Variants in MSH3 observed in about 807,000 individuals in gnomAD.
The protein encoded by MSH3 is mutS homolog 3, also known as DNA mismatch repair protein Msh3.
In MSH3, 106 loss-of-function variants were observed where a neutral mutation model predicts 123.3. The observed-to-expected ratio is 0.86, with a 90% CI of 0.73 to 1.01. The LOEUF is 1.01. Ranked by LOEUF, MSH3 falls within the 50% of genes least tolerant of loss-of-function variation. The probability of loss-of-function intolerance (pLI) is 0.00; values close to 1 mark genes in which losing one functional copy is unlikely to be tolerated. For missense variants in MSH3, 1,459 were observed against 1,347.6 expected (o/e 1.08, Z -1.29); for synonymous variants, 515 against 481.4 (o/e 1.07, Z -0.91).
rs2112814228 is a variant in MSH3, at chr5:80,672,735, T to A, written c.910-6T>A. The A allele has an allele frequency of 1.2e-6, 2 of 1,606,660 alleles. No individual in the cohort carries two copies. The highest frequency in any genetic ancestry group is 1.7e-5 in the Admixed American group (1 of 60,000). On this transcript the variant is annotated splice_polypyrimidine_tract_variant and splice_region_variant and intron_variant, in intron 5 of 23. Coordinates refer to ENST00000265081, the MANE Select transcript of MSH3 (RefSeq NM_002439.5). The stretch of plus-strand genomic sequence containing the variant: ...TTGATAGCAATATTTCTTATTTTTG[T>A]TGAAGGTGGGAGTTGTGAAGCAAAC...
At chr5:80,715,529 G>A (rs1395162991) in intron 8 of MSH3, 1 of 152,238 alleles carries the variant, frequency 6.6e-6, no homozygotes, top group Non-Finnish European at 1.5e-5. Flanking sequence ...TTTTGTTAGA[G>A]AATTTTAGAT....
chr5:80,696,302 T>G (rs1750479261), intron 8 of MSH3, among the ~76,000 whole-genome samples: 3 of 152,202 alleles, frequency 2.0e-5, no homozygotes, highest in Admixed American at 2.0e-4. Context: ...CAATCCCAAC[T>G]GGAGTTTGGA....
rs976796251 is a variant in MSH3 at position 80,795,811 on chromosome 5, G to A, written c.2655+2967G>A. Among the ~76,000 whole-genome samples, 51 of 152,026 alleles carry A rather than the reference G, an allele frequency of 3.4e-4. No homozygotes were observed. In the Middle Eastern group the frequency reaches 0.01, roughly 30 times the overall value. ...GAGGATTAGTTGAAGTCAGGAGGTC[G>A]AGACCAACCTGGCCAACATGGCAAA... On this transcript the variant is annotated intron_variant, in intron 19 of 23. Transcript: ENST00000265081.
chr5:80,725,649 G>T, intron 9 of MSH3, 84 bp downstream of exon 9: 1 of 898,226 alleles, frequency 1.1e-6, no homozygotes, highest in Non-Finnish European at 1.9e-6. Flanking sequence ...ATTTAATGAT[G>T]ACTAGGTAGT....
chr5:80,815,413 A>C (rs931169630), intron 20 of MSH3, among the ~76,000 whole-genome samples: 1 of 152,150 alleles, frequency 6.6e-6, no homozygotes, highest in African/African-American at 2.4e-5. Flanking sequence ...ATTGGTCAAT[A>C]TAAGGGGATT....
At chr5:80,752,732 C>CA (rs1485505668) in intron 12 of MSH3, among the ~76,000 whole-genome samples, 1 of 151,778 alleles carries the variant, frequency 6.6e-6, no homozygotes. Flanking sequence ...TTTAGAATAC[C>CA]AAAAAATTGG....
chr5:80,762,800 G>T (rs982456096), intron 13 of MSH3, among the ~76,000 whole-genome samples: 4 of 140,912 alleles, frequency 2.8e-5, no homozygotes, highest in African/African-American at 1.1e-4. Context: ...TTTATGTTAT[G>T]TTATGTTATG....
intron 8 of MSH3, among the ~76,000 whole-genome samples, chr5:80,699,659 T>C (rs956035707): frequency 7.9e-5 from 12 of 152,178 alleles, no homozygotes; most frequent in African/African-American, 2.7e-4. Context: ...AGATTTACAT[T>C]ATACAGATGT....
At chr5:80,655,115 C>T (rs993930743) in intron 1 of MSH3, 151 bp downstream of exon 1, 2 of 526,598 alleles carry the variant, frequency 3.8e-6, no homozygotes, top group Admixed American at 3.8e-5. Flanking sequence ...AGAGCCCAGC[C>T]GGGGCTACAA....
chr5:80,682,622 A>G (rs909975018), intron 8 of MSH3, among the ~76,000 whole-genome samples: 8 of 152,192 alleles, frequency 5.3e-5, no homozygotes, highest in Non-Finnish European at 2.9e-5. Flanking sequence ...GTATATATTT[A>G]TGGGTTACAT....
intron 19 of MSH3, among the ~76,000 whole-genome samples, chr5:80,797,128 C>T (rs1256018777): frequency 6.6e-6 from 1 of 151,950 alleles, no homozygotes. Context: ...CAAGTCTTGC[C>T]TTGGATGTCA....
intron 12 of MSH3, among the ~76,000 whole-genome samples, chr5:80,760,358 A>C (rs975966054): frequency 1.3e-5 from 2 of 152,216 alleles, no homozygotes; most frequent in Non-Finnish European, 2.9e-5. Context: ...CATGGACCAC[A>C]TCTCATTGAT....
At chr5:80,683,914 G>A (rs897546678) in intron 8 of MSH3, among the ~76,000 whole-genome samples, 4 of 152,152 alleles carry the variant, frequency 2.6e-5, no homozygotes, top group South Asian at 2.1e-4. Context: ...TGGATGTCCA[G>A]TTTTCCCAGC....
At chr5:80,711,287 C>T (rs1211748557) in intron 8 of MSH3, among the ~76,000 whole-genome samples, 3 of 152,186 alleles carry the variant, frequency 2.0e-5, no homozygotes, top group African/African-American at 4.8e-5. Flanking sequence ...CTCTCCTTTG[C>T]GGATAGGTCC....
chr5:80,832,742 A>G lies in MSH3; in HGVS notation c.2813+19001A>G, dbSNP rs180875902. ...TAAATTTTATTATTTTTATATATAT[A>G]TATCATAATTTTTAAAAGCACTTGA... On this transcript the variant is annotated intron_variant, in intron 20 of 23. Transcript: ENST00000265081. Among the ~76,000 whole-genome samples, 79 of 151,978 alleles carry G rather than the reference A, an allele frequency of 5.2e-4. 3 individuals are homozygous for G. Among genetic ancestry groups the G allele is most frequent in the African/African-American group, 1.8e-3 (73 of 41,506 alleles).
chr5:80,809,583 A>T (rs905382402), intron 19 of MSH3, among the ~76,000 whole-genome samples: 4 of 152,112 alleles, frequency 2.6e-5, no homozygotes, highest in Non-Finnish European at 1.5e-5. Context: ...TGCTTGTTGA[A>T]TTTGGTAATC....
At chr5:80,870,478 A>G (rs867545871) in intron 22 of MSH3, among the ~76,000 whole-genome samples, 6 of 152,120 alleles carry the variant, frequency 3.9e-5, no homozygotes, top group Admixed American at 6.5e-5. Context: ...GTGAACTTTG[A>G]AGAGTTACAA....
chr5:80,841,820 G>A (rs1327048788), intron 20 of MSH3, among the ~76,000 whole-genome samples: 2 of 152,040 alleles, frequency 1.3e-5, no homozygotes, highest in East Asian at 3.9e-4. Flanking sequence ...TTGTCAGATG[G>A]GTAGATTGCA....
At chr5:80,826,369 A>G (rs1745299535) in intron 20 of MSH3, among the ~76,000 whole-genome samples, 1 of 152,214 alleles carries the variant, frequency 6.6e-6, no homozygotes, top group South Asian at 2.1e-4. Flanking sequence ...AGATATTTGC[A>G]TAAGATTTAG....
Sources: allele counts gnomAD v4.1 joint callset (sites outside exome capture counted in the v4.1 genomes callset), GRCh38; gene constraint gnomAD v4.1.1; transcripts MANE v1.5; gene names NCBI Gene and HGNC (gene_info 2026-07-23, HGNC 2026-07-21).